CACNA2D3: variants seen among roughly 807,000 people sequenced by gnomAD.
CACNA2D3 encodes the protein voltage-dependent calcium channel subunit alpha-2/delta-3.
In CACNA2D3, 60 loss-of-function variants were observed where a neutral mutation model predicts 160.6. The ratio of observed to expected loss-of-function variants is 0.37; its 90% CI spans 0.30 to 0.46. The LOEUF (loss-of-function observed/expected upper bound fraction) is 0.46, where lower values mean the gene tolerates loss of function less well. Among genes scored for constraint, CACNA2D3 ranks in the 20% least tolerant of loss-of-function variants. The pLI is 1.00. For missense variants in CACNA2D3, 1,205 were observed against 1,365.0 expected (o/e 0.88, Z 1.85); for synonymous variants, 558 against 492.9 (o/e 1.13, Z -1.75).
At chr3:54,690,833 C>T (rs1700557338) in intron 11 of CACNA2D3, among the ~76,000 whole-genome samples, 1 of 152,230 alleles carries the variant, frequency 6.6e-6, no homozygotes, top group East Asian at 1.9e-4. Context: ...AAGGGAAAAC[C>T]TTACACTCAT....
At chr3:54,425,060 T>A (rs374388016) in intron 4 of CACNA2D3, among the ~76,000 whole-genome samples, 109 of 152,340 alleles carry the variant, frequency 7.2e-4, no homozygotes, top group Middle Eastern at 3.4e-3. Context: ...CTGGGCGCGG[T>A]GGCTCACGCC....
intron 5 of CACNA2D3, among the ~76,000 whole-genome samples, chr3:54,543,707 C>T (rs1399567513): frequency 3.3e-5 from 5 of 152,186 alleles, no homozygotes; most frequent in African/African-American, 1.2e-4. Context: ...GTCCTTGGCT[C>T]AGGACCTCAA....
At chr3:54,218,870 C>T (rs950604076) in intron 2 of CACNA2D3, among the ~76,000 whole-genome samples, 11 of 152,192 alleles carry the variant, frequency 7.2e-5, no homozygotes, top group Admixed American at 1.3e-4. Context: ...CTCTCTCCTT[C>T]ACTGTCATCT....
At chr3:54,612,822 C>A (rs72868872) in intron 9 of CACNA2D3, among the ~76,000 whole-genome samples, 1,842 of 152,254 alleles carry the variant, frequency 0.012, 44 homozygotes, top group African/African-American at 0.042. Context: ...TTTCAGCCAG[C>A]TGAAATGACC....
intron 4 of CACNA2D3, among the ~76,000 whole-genome samples, chr3:54,432,441 CAAT>C (rs1281539873): frequency 2.0e-5 from 3 of 152,114 alleles, no homozygotes; most frequent in Admixed American, 2.0e-4. Flanking sequence ...TTCTAGAATA[CAAT>C]GTTTTTCTCC....
intron 17 of CACNA2D3, among the ~76,000 whole-genome samples, chr3:54,851,775 A>G (rs1173952318): frequency 6.6e-6 from 1 of 152,378 alleles, no homozygotes; most frequent in East Asian, 1.9e-4. Flanking sequence ...TTATCCCAGC[A>G]TATCCAAAAT....
At chr3:54,141,061 C>CTGTGTGTG (rs55833247) in intron 2 of CACNA2D3, among the ~76,000 whole-genome samples, 14,315 of 129,196 alleles carry the variant, frequency 0.11, 926 homozygotes, top group East Asian at 0.31. Context: ...CAGGTGAAAC[C>CTGTGTGTG]TGTGTGTGTG....
chr3:54,633,876 G>A (rs1295828974), intron 10 of CACNA2D3: 1 of 152,210 alleles, frequency 6.6e-6, no homozygotes, highest in African/African-American at 2.4e-5. Flanking sequence ...AGCTCCGGAA[G>A]GAAACTTATC....
At chr3:54,582,128 T>C (rs1702687788) in intron 9 of CACNA2D3, among the ~76,000 whole-genome samples, 1 of 152,228 alleles carries the variant, frequency 6.6e-6, no homozygotes, top group Non-Finnish European at 1.5e-5. Flanking sequence ...ATAAACACAA[T>C]GCTATGGTGT....
At chr3:54,164,093 G>C (rs553446993) in intron 2 of CACNA2D3, among the ~76,000 whole-genome samples, 1 of 152,326 alleles carries the variant, frequency 6.6e-6, no homozygotes, top group Non-Finnish European at 1.5e-5. Flanking sequence ...AGGAGATGCT[G>C]GGGAGACAGG....
intron 4 of CACNA2D3, among the ~76,000 whole-genome samples, chr3:54,411,409 C>G (rs561350183): frequency 6.6e-6 from 1 of 152,226 alleles, no homozygotes; most frequent in African/African-American, 2.4e-5. Context: ...TAAGAAATTG[C>G]CACAGTCACT....
chr3:54,806,550 AAG>A (rs1559588931), intron 13 of CACNA2D3, among the ~76,000 whole-genome samples: 1 of 151,798 alleles, frequency 6.6e-6, no homozygotes, highest in African/African-American at 2.4e-5. Context: ...AATGAAATAA[AAG>A]AGGATACAAA....
At chr3:54,967,552 T>C (rs1183554663) in intron 27 of CACNA2D3, among the ~76,000 whole-genome samples, 1 of 152,162 alleles carries the variant, frequency 6.6e-6, no homozygotes, top group African/African-American at 2.4e-5. Context: ...GACTACAGTT[T>C]GCAAAACTGC....
intron 2 of CACNA2D3, among the ~76,000 whole-genome samples, chr3:54,140,706 AC>A (rs1172800288): frequency 1.3e-5 from 2 of 152,082 alleles, no homozygotes; most frequent in Non-Finnish European, 2.9e-5. Flanking sequence ...TTGCACACCC[AC>A]CCTCTGATGT....
intron 2 of CACNA2D3, among the ~76,000 whole-genome samples, chr3:54,247,129 T>G (rs1575341963): frequency 6.6e-6 from 1 of 152,132 alleles, no homozygotes; most frequent in African/African-American, 2.4e-5. Context: ...CTGGCCAACA[T>G]GGTGAAACCC....
At chr3:54,698,912 C>G (rs775133040) in intron 11 of CACNA2D3, among the ~76,000 whole-genome samples, 1 of 152,170 alleles carries the variant, frequency 6.6e-6, no homozygotes, top group East Asian at 1.9e-4. Flanking sequence ...CGAGCAAAAG[C>G]TTGTACAAAT....
intron 2 of CACNA2D3, among the ~76,000 whole-genome samples, chr3:54,152,997 G>A (rs1402653970): frequency 6.6e-6 from 1 of 152,194 alleles, no homozygotes; most frequent in African/African-American, 2.4e-5. Context: ...TATCACACTT[G>A]CTTCCTCATT....
chr3:54,265,610 GTGTGTATA>G (rs1702490176), intron 2 of CACNA2D3, among the ~76,000 whole-genome samples: 1 of 132,036 alleles, frequency 7.6e-6, no homozygotes, highest in Non-Finnish European at 1.6e-5. Flanking sequence ...TATATATATA[GTGTGTATA>G]TATATATAGT....
chr3:54,763,554 TATC>T (rs1364734125), intron 12 of CACNA2D3, among the ~76,000 whole-genome samples: 1 of 150,966 alleles, frequency 6.6e-6, no homozygotes, highest in Admixed American at 6.6e-5. Context: ...GGTTACAAAA[TATC>T]ATGTAGAAAG....
Sources: allele counts gnomAD v4.1 joint callset (sites outside exome capture counted in the v4.1 genomes callset), GRCh38; gene constraint gnomAD v4.1.1; transcripts MANE v1.5; gene names NCBI Gene and HGNC (gene_info 2026-07-23, HGNC 2026-07-21).